Variants in TPTE observed in about 807,000 individuals in gnomAD.
The protein encoded by TPTE is putative tyrosine-protein phosphatase TPTE.
In TPTE, 59 loss-of-function variants were observed where a neutral mutation model predicts 84.1. The observed-to-expected ratio is 0.70, with a 90% CI of 0.57 to 0.87. The LOEUF (loss-of-function observed/expected upper bound fraction) is 0.87. Among genes scored for constraint, TPTE ranks in the 40% least tolerant of loss-of-function variants. TPTE has a pLI of 0.00. For synonymous variants in TPTE, 130 were observed against 223.5 expected (o/e 0.58, Z 3.73); for missense variants, 382 against 659.6 (o/e 0.58, Z 4.61).
At chr21:10,527,028 G>A (rs1474699593) in intron 2 of TPTE, among the ~76,000 whole-genome samples, 1 of 152,304 alleles carries the variant, frequency 6.6e-6, no homozygotes, top group African/African-American at 2.4e-5. Flanking sequence ...CATAATTAAG[G>A]CTTGACTTAT....
chr21:10,573,124 A>G (rs2075079718), intron 14 of TPTE, among the ~76,000 whole-genome samples: 1 of 152,308 alleles, frequency 6.6e-6, no homozygotes, highest in African/African-American at 2.4e-5. Flanking sequence ...GTAAAGGATC[A>G]TACAGACTGG....
chr21:10,557,773 A>G (rs1245033120), intron 8 of TPTE, among the ~76,000 whole-genome samples: 2 of 152,300 alleles, frequency 1.3e-5, no homozygotes, highest in Non-Finnish European at 2.9e-5. Context: ...GTTTGGTGGT[A>G]CACGTGAGGT....
intron 6 of TPTE, among the ~76,000 whole-genome samples, chr21:10,542,980 A>C (rs2074398028): frequency 6.6e-6 from 1 of 152,208 alleles, no homozygotes. Context: ...CCAAAAAAGT[A>C]AATTTAGAAT....
chr21:10,555,802 A>G (rs1385359248), intron 8 of TPTE, among the ~76,000 whole-genome samples: 1 of 152,312 alleles, frequency 6.6e-6, no homozygotes. Context: ...TAGTCTATCA[A>G]TGTTTATATT....
At chr21:10,523,794 G>A (rs1335229486) in intron 1 of TPTE, among the ~76,000 whole-genome samples, 6 of 152,308 alleles carry the variant, frequency 3.9e-5, no homozygotes, top group African/African-American at 7.2e-5. Flanking sequence ...ATGATTTATA[G>A]TCCTTTGGGT....
intron 21 of TPTE, among the ~76,000 whole-genome samples, chr21:10,599,830 G>GTTTC (rs2075655736): frequency 3.7e-4 from 52 of 140,482 alleles, no homozygotes; most frequent in African/African-American, 9.0e-4. Flanking sequence ...TTAGTTAGTT[G>GTTTC]GTTCTTTCTT....
intron 10 of TPTE, among the ~76,000 whole-genome samples, chr21:10,564,307 C>T (rs1159958772): frequency 7.2e-5 from 11 of 152,386 alleles, no homozygotes; most frequent in South Asian, 2.1e-4. Context: ...GTCAGGAGTT[C>T]GAGACCAGCC....
chr21:10,554,352 G>T (rs1369193565), intron 8 of TPTE, among the ~76,000 whole-genome samples: 2 of 152,304 alleles, frequency 1.3e-5, no homozygotes, highest in South Asian at 4.1e-4. Context: ...ATTCTCAGAA[G>T]TGGAAATTCT....
At chr21:10,553,575 T>C (rs1600891412) in intron 8 of TPTE, among the ~76,000 whole-genome samples, 1 of 152,430 alleles carries the variant, frequency 6.6e-6, no homozygotes, top group East Asian at 1.9e-4. Flanking sequence ...AGCATTTCCT[T>C]CTTTCCCCAC....
intron 8 of TPTE, among the ~76,000 whole-genome samples, chr21:10,554,791 G>T (rs1307417190): frequency 6.6e-6 from 1 of 152,304 alleles, no homozygotes; most frequent in Non-Finnish European, 1.5e-5. Context: ...TAAAATATCT[G>T]CCCTGAATTT....
intron 8 of TPTE, among the ~76,000 whole-genome samples, chr21:10,556,505 G>A (rs1395571132): frequency 9.2e-5 from 14 of 152,424 alleles, no homozygotes; most frequent in South Asian, 2.1e-4. Flanking sequence ...ATAAACATAC[G>A]TGTGCATGTG....
At chr21:10,576,802 CTATTTGT>C (rs2075160338) in intron 14 of TPTE, among the ~76,000 whole-genome samples, 1 of 149,702 alleles carries the variant, frequency 6.7e-6, no homozygotes, top group African/African-American at 2.5e-5. Context: ...ATTATAACTA[CTATTTGT>C]TTTTCATTTT....
chr21:10,534,891 A>G (rs973096346), intron 3 of TPTE, among the ~76,000 whole-genome samples: 6 of 152,312 alleles, frequency 3.9e-5, no homozygotes, highest in African/African-American at 9.6e-5. Flanking sequence ...TTGCCTGTGT[A>G]TGAGATTCTA....
intron 14 of TPTE, among the ~76,000 whole-genome samples, chr21:10,573,394 A>T (rs1045765249): frequency 3.3e-5 from 5 of 152,304 alleles, no homozygotes; most frequent in Admixed American, 6.5e-5. Context: ...ATGCAGTAAC[A>T]GTTGGGGCCT....
At chr21:10,545,600 CATT>C (rs1250400753) in intron 7 of TPTE, among the ~76,000 whole-genome samples, 77 of 152,356 alleles carry the variant, frequency 5.1e-4, no homozygotes, top group African/African-American at 1.5e-3. Flanking sequence ...AAACTACTGA[CATT>C]ATTAATTTGG....
intron 10 of TPTE, among the ~76,000 whole-genome samples, chr21:10,562,186 G>A (rs1204050857): frequency 1.3e-5 from 2 of 152,430 alleles, no homozygotes; most frequent in African/African-American, 4.8e-5. Context: ...GGAGGCTTGG[G>A]GTGCCCCCTA....
chr21:10,570,387 T>G (rs1432769864), intron 13 of TPTE, 98 bp from the exon 14 acceptor site: 2 of 1,586,964 alleles, frequency 1.3e-6, no homozygotes, highest in East Asian at 2.2e-5. Flanking sequence ...AGGTTTTTTT[T>G]CTGTGAAAAT....
chr21:10,593,857 G>C (rs370473713), intron 19 of TPTE, among the ~76,000 whole-genome samples: 498 of 151,402 alleles, frequency 3.3e-3, no homozygotes, highest in African/African-American at 0.012. Context: ...GGTGGGAGCT[G>C]AGTAGAAGAA....
intron 9 of TPTE, 129 bp downstream of exon 9, chr21:10,559,673 A>G (rs2074754862): frequency 7.2e-7 from 1 of 1,383,336 alleles, no homozygotes; most frequent in African/African-American, 1.4e-5. Context: ...CAGGAGTTCA[A>G]GACCAGCCTG....
Sources: gnomAD v4.1 joint callset for allele counts (sites outside exome capture counted in the v4.1 genomes callset) on GRCh38, gnomAD v4.1.1 for gene constraint, MANE v1.5 for transcripts, NCBI Gene and HGNC (gene_info 2026-07-23, HGNC 2026-07-21) for gene names.